The following MYOF variants were observed in gnomAD, a reference collection of about 807,000 sequenced individuals.
MYOF encodes the protein fer-1-like 3, myoferlin.
A neutral mutation model predicts 284.2 loss-of-function variants in MYOF; 244 were observed. The ratio of observed to expected loss-of-function variants is 0.86; its 90% CI spans 0.77 to 0.95. The LOEUF (loss-of-function observed/expected upper bound fraction) is 0.95. Ranked by LOEUF, MYOF falls within the 40% of genes least tolerant of loss-of-function variation. The probability of loss-of-function intolerance (pLI) is 0.00; values close to 1 mark genes in which losing one functional copy is unlikely to be tolerated. For missense variants in MYOF, 2,496 were observed against 2,560.6 expected (o/e 0.97, Z 0.54); for synonymous variants, 904 against 919.7 (o/e 0.98, Z 0.31).
chr10:93,478,104 C>T (rs2096181), intron 1 of MYOF: 183,325 of 229,168 alleles, frequency 0.8, 74,098 homozygotes, highest in South Asian at 0.87. Flanking sequence ...GGTTGTTTAT[C>T]TTATGTCTAC....
At chr10:93,458,160 G>A (rs758821837) in intron 1 of MYOF, among the ~76,000 whole-genome samples, 19 of 151,652 alleles carry the variant, frequency 1.3e-4, no homozygotes, top group Middle Eastern at 3.4e-3. Flanking sequence ...CAAGACCAGC[G>A]TAGGCAACAT....
chr10:93,307,502 G>GT (rs1490549145), intron 53 of MYOF, among the ~76,000 whole-genome samples: 2 of 151,918 alleles, frequency 1.3e-5, no homozygotes, highest in African/African-American at 4.8e-5. Context: ...GGGTTTCACT[G>GT]TGTTAGCCAG....
rs1183527842 is a variant in MYOF, at chr10:93,443,470, CTCTG to C, written c.236+8576_236+8579del. On this transcript the variant is annotated intron_variant, in intron 3 of 53. Coordinates refer to ENST00000359263, the MANE Select transcript of MYOF (RefSeq NM_013451.4). ...CTTTCTTCTCTCTCTCTCTCTCTCTCTCTGTGTGTGTGTGTGTGTGTGTGTGTGT... is the reference window on the plus strand; with the variant it reads ...CTTTCTTCTCTCTCTCTCTCTCTCTCTGTGTGTGTGTGTGTGTGTGTGTGT... Among the ~76,000 whole-genome samples, 1,053 of 117,864 alleles carry C rather than the reference CTCTG, an allele frequency of 8.9e-3. 4 individuals carry two copies. Among genetic ancestry groups the C allele is most frequent in the African/African-American group, 0.012 (434 of 35,464 alleles). 77.3% of individuals were successfully genotyped at this position (117,864 alleles called of 152,430 possible).
At chr10:93,448,685 AGGACAGACT>A (rs1271664763) in intron 3 of MYOF, among the ~76,000 whole-genome samples, 1 of 152,218 alleles carries the variant, frequency 6.6e-6, no homozygotes. Context: ...ATAAGATCTG[AGGACAGACT>A]GGATAAGAGG....
At chr10:93,402,441 G>A in intron 10 of MYOF, 94 bp from the exon 11 acceptor site, 2 of 1,016,862 alleles carry the variant, frequency 2.0e-6, no homozygotes, top group Non-Finnish European at 3.0e-6. Flanking sequence ...GCATTTTCTT[G>A]GAAGCCTCTT....
intron 27 of MYOF, among the ~76,000 whole-genome samples, chr10:93,362,394 G>A (rs1055287581): frequency 6.6e-6 from 1 of 151,894 alleles, no homozygotes; most frequent in Non-Finnish European, 1.5e-5. Flanking sequence ...ACAGGCACCT[G>A]CCACCACACT....
intron 22 of MYOF, among the ~76,000 whole-genome samples, chr10:93,376,839 G>A (rs569165946): frequency 6.6e-6 from 1 of 152,314 alleles, no homozygotes; most frequent in African/African-American, 2.4e-5. Flanking sequence ...CTTGGCCACA[G>A]TGTTCATCAG....
At position 93,343,841 on chromosome 10, in the gene MYOF, A is replaced by C. The variant is rs1179104582; in HGVS notation, c.4326+15T>G. On this transcript the variant is annotated intron_variant, in intron 38 of 53. Coordinates refer to ENST00000359263, the MANE Select transcript of MYOF (RefSeq NM_013451.4). ...ATAAAACTGACAGCATCCACTGATC[A>C]GCTCTGAAGCCTACCTTAGAAGCCA... 6.2e-7 allele frequency: 1 copy of C among 1,613,768 alleles called. No individual in the cohort carries two copies. Among genetic ancestry groups the C allele is most frequent in the South Asian group, 1.1e-5 (1 of 91,070 alleles).
chr10:93,481,306 T>C (rs1210965498), intron 1 of MYOF, among the ~76,000 whole-genome samples: 2 of 152,094 alleles, frequency 1.3e-5, no homozygotes, highest in Non-Finnish European at 2.9e-5. Context: ...GCTCAAGCAA[T>C]CCTCCTGCCT....
At chr10:93,377,546 T>C (rs1845891941) in intron 21 of MYOF, 117 bp from the exon 22 acceptor site, 2 of 763,044 alleles carry the variant, frequency 2.6e-6, no homozygotes, top group Admixed American at 2.6e-5. Flanking sequence ...AAAAAACAAA[T>C]AAAATGAAAC....
rs375426901 is a variant in MYOF, at chr10:93,366,547, A to G, written c.2598T>C (p.Asn866=). The G allele has an allele frequency of 3.9e-5, 62 of 1,601,886 alleles. No homozygotes were observed. In the African/African-American group the frequency reaches 5.8e-4, roughly 15 times the overall value. The change falls in exon 26 of 54, where the codon AAT becomes AAC. Residue 866 remains asparagine (N), a synonymous_variant. Coordinates refer to ENST00000359263, the MANE Select transcript of MYOF (RefSeq NM_013451.4). ...TFTVFAEMYE[N]QALMFGKWGT... ...CCCATTTTCCAAACATGAGAGCTTG[A>G]TTTTCATACTATTAAAAAAGAGATA...
At chr10:93,386,890 C>T (rs910596703) in intron 19 of MYOF, among the ~76,000 whole-genome samples, 2 of 152,114 alleles carry the variant, frequency 1.3e-5, no homozygotes, top group Non-Finnish European at 2.9e-5. Context: ...GGCAGTTGGG[C>T]CTGGACTCAG....
chr10:93,325,744 G>A, intron 46 of MYOF, 82 bp downstream of exon 46: 1 of 1,470,922 alleles, frequency 6.8e-7, no homozygotes, highest in Non-Finnish European at 9.2e-7. Context: ...ATTCAAAGAA[G>A]ATAAAAGGCG....
chr10:93,311,052 G>A (rs1842361422), intron 51 of MYOF, among the ~76,000 whole-genome samples: 1 of 152,140 alleles, frequency 6.6e-6, no homozygotes, highest in Admixed American at 6.5e-5. Flanking sequence ...ATCTCTTCAT[G>A]CCTATCAATC....
At chr10:93,344,963 T>A (rs887878041) in intron 37 of MYOF, among the ~76,000 whole-genome samples, 7 of 152,154 alleles carry the variant, frequency 4.6e-5, no homozygotes, top group African/African-American at 1.7e-4. Flanking sequence ...CTTACTACAT[T>A]TGATTCAGCT....
intron 20 of MYOF, 150 bp from the exon 21 acceptor site, chr10:93,380,137 G>A (rs762439768): frequency 7.8e-5 from 78 of 995,898 alleles, no homozygotes; most frequent in Non-Finnish European, 1.0e-4. Context: ...ACTCAATTAA[G>A]CAACTGAAGA....
chr10:93,369,201 C>T (rs552779234), intron 25 of MYOF, among the ~76,000 whole-genome samples: 38 of 136,948 alleles, frequency 2.8e-4, no homozygotes, highest in African/African-American at 9.5e-4. Context: ...TTAAGACACT[C>T]TACCCCAAGT....
Position 93,377,414 on chromosome 10 carries a change from C to A in MYOF, c.2017G>T (p.Ala673Ser). 1.9e-6 allele frequency: 3 copies of A among 1,613,240 alleles called. No homozygotes were observed. Among genetic ancestry groups the A allele is most frequent in the Non-Finnish European group, 1.7e-6 (2 of 1,179,358 alleles). ...MAERLQTNIE[A>S]LKSGIQGKIP... ...TTACCTTGTATCCCTGATTTTAGAGCTTCTATATTTGTTTGCTGAAGAATT... is the reference window on the plus strand; with the variant it reads ...TTACCTTGTATCCCTGATTTTAGAGATTCTATATTTGTTTGCTGAAGAATT... Residue 673 changes from alanine to serine, a missense_variant, in exon 22 of 54, where the codon GCT (alanine) becomes TCT (serine). Ala to Ser is a moderately conservative substitution (Grantham distance 99, BLOSUM62 1). Transcript: ENST00000359263.
At chr10:93,430,212 G>A (rs1164938858) in intron 4 of MYOF, among the ~76,000 whole-genome samples, 1 of 151,876 alleles carries the variant, frequency 6.6e-6, no homozygotes, top group East Asian at 2.0e-4. Flanking sequence ...GGGATTACAG[G>A]CGTGAGCCAC....
Sources: gnomAD v4.1 joint callset for allele counts (sites outside exome capture counted in the v4.1 genomes callset) on GRCh38, gnomAD v4.1.1 for gene constraint, MANE v1.5 for transcripts, NCBI Gene and HGNC (gene_info 2026-07-23, HGNC 2026-07-21) for gene names.